Variants in TRPM3 observed in about 807,000 individuals in gnomAD.
TRPM3 encodes transient receptor potential cation channel subfamily M member 3, also known as long transient receptor potential channel 3.
In TRPM3, 77 loss-of-function variants were observed where a neutral mutation model predicts 181.2. That is an observed-to-expected ratio of 0.42 (90% CI 0.35 to 0.51). The LOEUF is 0.51. Ranked by LOEUF, TRPM3 falls within the 20% of genes least tolerant of loss-of-function variation. The pLI, the probability that TRPM3 is intolerant of heterozygous loss-of-function variation, is 0.01. For synonymous variants in TRPM3, 745 were observed against 796.4 expected, an observed-to-expected ratio of 0.94 and a Z score of 1.09; for missense variants, 1,759 against 2,196.7, an observed-to-expected ratio of 0.80 and a Z score of 3.98.
chr9:71,389,279 A>G lies in TRPM3; in HGVS notation c.183+57374T>C, dbSNP rs145397358. 3.1e-3 allele frequency among the ~76,000 whole-genome samples: 476 copies of G among 152,204 alleles called. 3 individuals carry two copies. Among genetic ancestry groups the G allele is most frequent in the Middle Eastern group, 0.014 (4 of 294 alleles). Reference sequence around the variant, plus strand: ...AAATGCAAGTCAAAACCACAATGTGATACCCCCTTAACTCCTGTATGAATG... The same window carrying G: ...AAATGCAAGTCAAAACCACAATGTGGTACCCCCTTAACTCCTGTATGAATG... On this transcript the variant is annotated intron_variant, in intron 1 of 24. Transcript: ENST00000357533.
intron 1 of TRPM3, among the ~76,000 whole-genome samples, chr9:71,245,890 G>A (rs1045666441): frequency 6.6e-6 from 1 of 152,148 alleles, no homozygotes; most frequent in African/African-American, 2.4e-5. Flanking sequence ...CCCCAAAGAG[G>A]GGAGGAACAG....
chr9:71,440,224 G>A (rs1055618443), intron 1 of TRPM3, among the ~76,000 whole-genome samples: 1 of 151,960 alleles, frequency 6.6e-6, no homozygotes, highest in Non-Finnish European at 1.5e-5. Context: ...AGCAGAACTG[G>A]GGAGAAAAGA....
At chr9:71,443,969 A>G (rs2094169228) in intron 1 of TRPM3, among the ~76,000 whole-genome samples, 1 of 152,148 alleles carries the variant, frequency 6.6e-6, no homozygotes, top group Admixed American at 6.5e-5. Context: ...TCACGAGGTC[A>G]GGAGATCGAG....
At chr9:70,833,312 A>G (rs1262150639) in intron 5 of TRPM3, among the ~76,000 whole-genome samples, 1 of 152,218 alleles carries the variant, frequency 6.6e-6, no homozygotes, top group Non-Finnish European at 1.5e-5. Context: ...TGTGCCATCA[A>G]TCACAGGCCT....
chr9:71,019,996 A>G (rs2097829462), intron 1 of TRPM3, among the ~76,000 whole-genome samples: 1 of 152,198 alleles, frequency 6.6e-6, no homozygotes, highest in Non-Finnish European at 1.5e-5. Context: ...TGGGAAAAAT[A>G]TATTTTGACT....
At chr9:70,586,379 G>A (rs539522350) in intron 22 of TRPM3, among the ~76,000 whole-genome samples, 43 of 152,268 alleles carry the variant, frequency 2.8e-4, no homozygotes, top group African/African-American at 7.0e-4. Flanking sequence ...TCAAAACAGC[G>A]TCCGGAATCA....
chr9:70,543,195 CTTTTA>C lies in TRPM3; in HGVS notation c.3708-5795_3708-5791del, dbSNP rs1462355640. On this transcript the variant is annotated intron_variant, in intron 25 of 25. Transcript: ENST00000677713. ...AAGTTGAACATACTATTTTTTCTGA[CTTTTA>C]TTTTAATTAATTTTGTGGGTACATA... Among the ~76,000 whole-genome samples, 10 of 152,134 alleles carry C rather than the reference CTTTTA, an allele frequency of 6.6e-5. No homozygotes were observed. In the South Asian group the frequency reaches 1.0e-3, roughly 16 times the overall value.
In TRPM3 at chr9:71,432,784, T is replaced by C. The variant is rs192953038; in HGVS notation, c.183+13869A>G. On this transcript the variant is annotated intron_variant, in intron 1 of 24. Transcript: ENST00000357533. ...ATGGGACTAGATCCTATTCTGAAAC[T>C]GGTACCCACTCTGGGCAATGTGTTG... Among the ~76,000 whole-genome samples, 70 of 152,288 alleles carry C rather than the reference T, an allele frequency of 4.6e-4. 1 individual carries two copies. Among genetic ancestry groups the C allele is most frequent in the African/African-American group, 1.7e-3 (69 of 41,578 alleles).
At chr9:70,785,490 C>A (rs73453882) in intron 6 of TRPM3, among the ~76,000 whole-genome samples, 2 of 152,200 alleles carry the variant, frequency 1.3e-5, no homozygotes, top group East Asian at 3.9e-4. Flanking sequence ...TCTTAGAGGG[C>A]GCACACAGCA....
intron 1 of TRPM3, among the ~76,000 whole-genome samples, chr9:70,966,466 C>T (rs1257106399): frequency 6.6e-6 from 1 of 151,930 alleles, no homozygotes; most frequent in African/African-American, 2.4e-5. Flanking sequence ...GTGCTATTCA[C>T]AAAAGCAAAG....
chr9:71,234,167 C>CAGGG (rs2081231976), intron 1 of TRPM3, among the ~76,000 whole-genome samples: 1 of 152,186 alleles, frequency 6.6e-6, no homozygotes, highest in Non-Finnish European at 1.5e-5. Context: ...GTCTCAGTTC[C>CAGGG]TTGCCATGCA....
chr9:71,294,149 T>C (rs1041086537), intron 1 of TRPM3, among the ~76,000 whole-genome samples: 2 of 152,040 alleles, frequency 1.3e-5, no homozygotes, highest in Admixed American at 6.6e-5. Flanking sequence ...AAATTCAATT[T>C]TGTTAAAATG....
At chr9:71,165,587 A>T (rs2076501201) in intron 1 of TRPM3, among the ~76,000 whole-genome samples, 2 of 152,122 alleles carry the variant, frequency 1.3e-5, no homozygotes, top group African/African-American at 2.4e-5. Flanking sequence ...TGGCAGAACC[A>T]GTTTTCCACG....
At chr9:71,433,283 T>C (rs770670722) in intron 1 of TRPM3, among the ~76,000 whole-genome samples, 2 of 152,188 alleles carry the variant, frequency 1.3e-5, no homozygotes, top group Non-Finnish European at 2.9e-5. Context: ...TGGGAGGTAA[T>C]TGAATCATGT....
intron 1 of TRPM3, among the ~76,000 whole-genome samples, chr9:71,196,041 G>A (rs1202602200): frequency 6.6e-6 from 1 of 151,818 alleles, no homozygotes; most frequent in Non-Finnish European, 1.5e-5. Flanking sequence ...CCCGGGTGAC[G>A]AAATAATCTT....
intron 1 of TRPM3, among the ~76,000 whole-genome samples, chr9:70,963,930 AC>A (rs1187389773): frequency 6.6e-6 from 1 of 151,896 alleles, no homozygotes; most frequent in Non-Finnish European, 1.5e-5. Flanking sequence ...AGATTCTACC[AC>A]CTTTATATTT....
chr9:70,649,447 C>G (rs2059334282), intron 9 of TRPM3, among the ~76,000 whole-genome samples: 1 of 152,082 alleles, frequency 6.6e-6, no homozygotes, highest in African/African-American at 2.4e-5. Flanking sequence ...CCTCAGCTTC[C>G]TAAAGTGCTG....
intron 1 of TRPM3, among the ~76,000 whole-genome samples, chr9:71,231,318 G>T (rs2131904789): frequency 6.6e-6 from 1 of 152,144 alleles, no homozygotes; most frequent in East Asian, 1.9e-4. Flanking sequence ...AAGACATGTG[G>T]ACAATGGAAG....
chr9:70,615,189 T>A (rs772963369), intron 18 of TRPM3, among the ~76,000 whole-genome samples: 12 of 152,154 alleles, frequency 7.9e-5, no homozygotes, highest in Non-Finnish European at 1.6e-4. Flanking sequence ...GTGGGGGTGG[T>A]GAGGGAGGGT....
Sources: gnomAD v4.1 joint callset for allele counts (sites outside exome capture counted in the v4.1 genomes callset) on GRCh38, gnomAD v4.1.1 for gene constraint, MANE v1.5 for transcripts, NCBI Gene and HGNC (gene_info 2026-07-23, HGNC 2026-07-21) for gene names.